Variants in CIRSR observed in about 807,000 individuals in gnomAD.
CIRSR encodes corepressor of RBPJ and splicing regulator, also known as CBF1 (RBPJ) interacting corepressor 1.
the CIRSR span, among the ~76,000 whole-genome samples, chr2:174,384,027 T>A: frequency 6.6e-6 from 1 of 152,084 alleles, no homozygotes. Flanking sequence ...CACTCCTAGG[T>A]ATATACCCAA....
chr2:174,388,077 G>A, the CIRSR span, among the ~76,000 whole-genome samples: 3 of 152,208 alleles, frequency 2.0e-5, no homozygotes, highest in Admixed American at 2.0e-4. Flanking sequence ...AAGCCGTCCT[G>A]GGCCACATGT....
chr2:174,367,621 C>T, the CIRSR span, among the ~76,000 whole-genome samples: 4 of 151,390 alleles, frequency 2.6e-5, no homozygotes, highest in Non-Finnish European at 5.9e-5. Flanking sequence ...GCATGCCTGT[C>T]ATCCTAGTTA....
the CIRSR span, among the ~76,000 whole-genome samples, chr2:174,376,250 C>A: frequency 1.3e-5 from 2 of 152,158 alleles, no homozygotes; most frequent in African/African-American, 4.8e-5. Flanking sequence ...TCTTCTCCCA[C>A]CCAGGTGCTC....
the CIRSR span, chr2:174,351,750 A>G: frequency 1.3e-5 from 21 of 1,587,890 alleles, no homozygotes; most frequent in Non-Finnish European, 1.8e-5. Flanking sequence ...CACAGTTTGA[A>G]TGTATCATTT....
chr2:174,392,008 C>CT, the CIRSR span, among the ~76,000 whole-genome samples: 19 of 151,152 alleles, frequency 1.3e-4, no homozygotes, highest in South Asian at 8.4e-4. Flanking sequence ...ATGCAGGTTT[C>CT]TTTTTTTTTG....
chr2:174,349,061 G>A, the CIRSR span: 9 of 1,579,784 alleles, frequency 5.7e-6, no homozygotes, highest in Non-Finnish European at 6.9e-6. Flanking sequence ...AGGAGGAGGA[G>A]GAAGATGAGG....
the CIRSR span, among the ~76,000 whole-genome samples, chr2:174,357,485 C>A: frequency 6.6e-5 from 10 of 152,174 alleles, no homozygotes; most frequent in Non-Finnish European, 1.0e-4. Context: ...TGCAGTCAAA[C>A]TAACAGTAAT....
the CIRSR span, chr2:174,370,150 C>A: frequency 8.9e-7 from 1 of 1,122,484 alleles, no homozygotes; most frequent in Non-Finnish European, 1.2e-6. Flanking sequence ...GAGAAGCAGG[C>A]TGAAGGAGAG....
the CIRSR span, among the ~76,000 whole-genome samples, chr2:174,365,147 C>G: frequency 6.6e-6 from 1 of 152,178 alleles, no homozygotes; most frequent in Non-Finnish European, 1.5e-5. Flanking sequence ...TAAATCATCT[C>G]TCTCAAGTTC....
At chr2:174,360,935 GTT>G in the CIRSR span, among the ~76,000 whole-genome samples, 1 of 152,294 alleles carries the variant, frequency 6.6e-6, no homozygotes, top group African/African-American at 2.4e-5. Context: ...GACTGGACAA[GTT>G]TTACTAAAAT....
the CIRSR span, among the ~76,000 whole-genome samples, chr2:174,353,612 C>T: frequency 6.6e-6 from 1 of 152,102 alleles, no homozygotes; most frequent in African/African-American, 2.4e-5. Context: ...GGATTACAGG[C>T]AACTGCCACC....
the CIRSR span, among the ~76,000 whole-genome samples, chr2:174,354,449 TATA>T: frequency 9.6e-5 from 9 of 94,020 alleles, no homozygotes; most frequent in African/African-American, 1.5e-4. Flanking sequence ...TAATATATTA[TATA>T]ATATAATATA....
At chr2:174,383,849 C>CAAAAAAAAAAAAAAAAAAAAAAAAAA in the CIRSR span, among the ~76,000 whole-genome samples, 1 of 121,470 alleles carries the variant, frequency 8.2e-6, no homozygotes. Context: ...AGCTATCTTC[C>CAAAAAAAAAAAAAAAAAAAAAAAAAA]AAAAAAAAAA....
chr2:174,366,440 A>G, the CIRSR span, among the ~76,000 whole-genome samples: 1 of 152,220 alleles, frequency 6.6e-6, no homozygotes, highest in Non-Finnish European at 1.5e-5. Flanking sequence ...GAAATTTAGT[A>G]TCTAGTGCAA....
At chr2:174,353,694 C>A in the CIRSR span, among the ~76,000 whole-genome samples, 1 of 152,170 alleles carries the variant, frequency 6.6e-6, no homozygotes. Context: ...TCTCAAACTC[C>A]TGACCTCGTG....
the CIRSR span, chr2:174,369,950 A>C: frequency 7.3e-7 from 1 of 1,361,026 alleles, no homozygotes; most frequent in Non-Finnish European, 9.8e-7. Flanking sequence ...TACGGTTGGA[A>C]AACTGGTGCT....
At chr2:174,388,598 C>A in the CIRSR span, among the ~76,000 whole-genome samples, 2 of 152,048 alleles carry the variant, frequency 1.3e-5, no homozygotes, top group Non-Finnish European at 2.9e-5. Context: ...TTATACATTT[C>A]TTATATATCC....
the CIRSR span, among the ~76,000 whole-genome samples, chr2:174,362,945 G>T: frequency 6.6e-6 from 1 of 152,028 alleles, no homozygotes; most frequent in African/African-American, 2.4e-5. Flanking sequence ...CCTTTCATGA[G>T]TTTTATTTCC....
chr2:174,350,505 C>A, the CIRSR span, among the ~76,000 whole-genome samples: 2 of 152,066 alleles, frequency 1.3e-5, no homozygotes, highest in African/African-American at 4.8e-5. Flanking sequence ...ACTGAAAAGA[C>A]AGACAAAATT....
Sources: allele counts gnomAD v4.1 joint callset (sites outside exome capture counted in the v4.1 genomes callset), GRCh38; gene constraint gnomAD v4.1.1; transcripts MANE v1.5; gene names NCBI Gene and HGNC (gene_info 2026-07-23, HGNC 2026-07-21).